INPP5A: variants seen among roughly 807,000 people sequenced by gnomAD.
The protein encoded by INPP5A is 43 kDa inositol polyphosphate 5-phophatase.
INPP5A carries 14 observed loss-of-function variants against 65.2 expected under a neutral mutation model. The ratio of observed to expected loss-of-function variants is 0.21; its 90% CI spans 0.14 to 0.34. The LOEUF is 0.34. INPP5A is among the 10% of genes least tolerant of loss of function. The pLI, the probability that INPP5A is intolerant of heterozygous loss-of-function variation, is 1.00. For synonymous variants in INPP5A, 207 were observed against 208.3 expected, an observed-to-expected ratio of 0.99 and a Z score of 0.05; for missense variants, 431 against 545.6, an observed-to-expected ratio of 0.79 and a Z score of 2.09.
chr10:132,604,571 G>A (rs1343355134), intron 1 of INPP5A, among the ~76,000 whole-genome samples: 2 of 152,236 alleles, frequency 1.3e-5, no homozygotes, highest in African/African-American at 4.8e-5. Flanking sequence ...GAGCTCAATA[G>A]TAGTTGAAAA....
chr10:132,592,851 C>A (rs184508381), intron 1 of INPP5A, among the ~76,000 whole-genome samples: 4 of 152,322 alleles, frequency 2.6e-5, no homozygotes, highest in Admixed American at 2.6e-4. Context: ...TTGTTTCATG[C>A]TTCTGTAGGG....
At chr10:132,596,760 T>C (rs556217125) in intron 1 of INPP5A, among the ~76,000 whole-genome samples, 1 of 152,186 alleles carries the variant, frequency 6.6e-6, no homozygotes, top group Admixed American at 6.5e-5. Context: ...TGTACGTGTG[T>C]ATGCATGCAT....
At chr10:132,725,796 T>G (rs1485430056) in intron 8 of INPP5A, among the ~76,000 whole-genome samples, 2 of 152,230 alleles carry the variant, frequency 1.3e-5, no homozygotes, top group Non-Finnish European at 2.9e-5. Context: ...ATGGGCAGCC[T>G]CTGTGCTGCC....
At position 132,644,578 on chromosome 10, in the gene INPP5A, G is replaced by A. The variant is rs573185329; in HGVS notation, c.118-1290G>A. ...CCTGGCTCACAGTGAGTGCCGTGTC[G>A]TCGTGAGCACCTCCAGGCTCCCAAG... On this transcript the variant is annotated intron_variant, in intron 2 of 15. Coordinates refer to ENST00000368594, the MANE Select transcript of INPP5A (RefSeq NM_005539.5). The surrounding 1 kb of genome is among the most constrained non-coding windows in gnomAD (Gnocchi z 6.5). Among the ~76,000 whole-genome samples, 29 of 152,344 alleles carry A rather than the reference G, an allele frequency of 1.9e-4. No individual in the cohort carries two copies. The highest frequency in any genetic ancestry group is 3.4e-4 in the Non-Finnish European group (23 of 68,046).
chr10:132,543,400 A>G (rs1056471231), intron 1 of INPP5A, among the ~76,000 whole-genome samples: 1 of 151,784 alleles, frequency 6.6e-6, no homozygotes, highest in Non-Finnish European at 1.5e-5. Context: ...TCAGTCCTGC[A>G]TTTCTTCCTT....
At chr10:132,710,181 C>T (rs577613572) in intron 7 of INPP5A, among the ~76,000 whole-genome samples, 156 bp from the exon 8 acceptor site, 4 of 152,382 alleles carry the variant, frequency 2.6e-5, no homozygotes, top group East Asian at 1.9e-4. Context: ...CTGGCCTTGT[C>T]GGAAGACAGG....
chr10:132,539,946 G>A (rs1038728075), intron 1 of INPP5A, among the ~76,000 whole-genome samples: 6 of 152,154 alleles, frequency 3.9e-5, no homozygotes, highest in African/African-American at 9.7e-5. Flanking sequence ...TGCTGGGGAG[G>A]AACTGGTTTT....
intron 1 of INPP5A, among the ~76,000 whole-genome samples, chr10:132,559,595 G>T (rs537580086): frequency 1.3e-5 from 2 of 152,010 alleles, no homozygotes; most frequent in Non-Finnish European, 2.9e-5. Flanking sequence ...TGTGGCCTTC[G>T]CATCGTACTT....
rs749157347 is a variant in INPP5A at position 132,587,193 on chromosome 10, A to T, written c.76-20722A>T. On this transcript the variant is annotated intron_variant, in intron 1 of 15. Coordinates refer to ENST00000368594, the MANE Select transcript of INPP5A (RefSeq NM_005539.5). This position sits in a 1 kb window ranked among gnomAD's most constrained non-coding sequence, Gnocchi z 4.3. ...AGTGTGAAAACAGTAGGCAATGAAC[A>T]GTGTCCACAGAACTCAGAGGGCGGA... 6.6e-6 allele frequency among the ~76,000 whole-genome samples: 1 copy of T among 152,236 alleles called. No individual in the cohort carries two copies. Among genetic ancestry groups the T allele is most frequent in the African/African-American group, 2.4e-5 (1 of 41,454 alleles).
At chr10:132,542,053 T>A (rs1469972150) in intron 1 of INPP5A, among the ~76,000 whole-genome samples, 1 of 152,272 alleles carries the variant, frequency 6.6e-6, no homozygotes, top group Non-Finnish European at 1.5e-5. Flanking sequence ...TCCTTCCATT[T>A]TTATGAGAAG....
intron 2 of INPP5A, among the ~76,000 whole-genome samples, chr10:132,639,380 A>G (rs2072398798): frequency 6.6e-6 from 1 of 151,758 alleles, no homozygotes; most frequent in Non-Finnish European, 1.5e-5. Flanking sequence ...GTTTCCTGAT[A>G]AGAAATCCGT....
intron 1 of INPP5A, among the ~76,000 whole-genome samples, chr10:132,554,356 G>T (rs1048743131): frequency 2.0e-5 from 3 of 152,152 alleles, no homozygotes; most frequent in Admixed American, 1.3e-4. Context: ...AGGGCACGCA[G>T]AGTCCACAGT....
chr10:132,716,074 T>C (rs577555688), intron 8 of INPP5A, among the ~76,000 whole-genome samples: 1 of 152,306 alleles, frequency 6.6e-6, no homozygotes, highest in Non-Finnish European at 1.5e-5. Context: ...GCTGCGATCT[T>C]CATTTTGTTG....
At chr10:132,632,473 G>A (rs2072288656) in intron 2 of INPP5A, among the ~76,000 whole-genome samples, 4 of 152,306 alleles carry the variant, frequency 2.6e-5, no homozygotes, top group Admixed American at 1.3e-4. Context: ...CACAGCGACC[G>A]TCTCAGGAAG....
At chr10:132,633,828 C>T (rs1336944006) in intron 2 of INPP5A, among the ~76,000 whole-genome samples, 2 of 152,174 alleles carry the variant, frequency 1.3e-5, no homozygotes, top group African/African-American at 2.4e-5. Context: ...ACAGTGAGCA[C>T]GTTCAGCAAA....
In INPP5A at chr10:132,538,555, G is replaced by A. The variant is rs1304053245; in HGVS notation, c.75+384G>A. On this transcript the variant is annotated intron_variant, in intron 1 of 15. Coordinates refer to ENST00000368594, the MANE Select transcript of INPP5A (RefSeq NM_005539.5). The surrounding 1 kb of genome is among the most constrained non-coding windows in gnomAD (Gnocchi z 4.1). ...TCCTGGAACCCAAACCCCAGAAACCGGGTCTGTGCGCACCAAACCCAGCCC... is the reference window on the plus strand; with the variant it reads ...TCCTGGAACCCAAACCCCAGAAACCAGGTCTGTGCGCACCAAACCCAGCCC... Among the ~76,000 whole-genome samples the A allele has an allele frequency of 6.6e-6, 1 of 152,024 alleles. No individual in the cohort carries two copies. The highest frequency in any genetic ancestry group is 1.5e-5 in the Non-Finnish European group (1 of 67,998).
rs1461451859 is a variant in INPP5A, at chr10:132,762,534, A to G, written c.904-3239A>G. On this transcript the variant is annotated intron_variant, in intron 11 of 15. Coordinates refer to ENST00000368594, the MANE Select transcript of INPP5A (RefSeq NM_005539.5). The surrounding 1 kb of genome is among the most constrained non-coding windows in gnomAD (Gnocchi z 4.6). Reference sequence around the variant, plus strand: ...GCCTTCAGAACACTGGCCACCATAAAGACAGTACCTGGCGATGGAGAGACA... The same window carrying G: ...GCCTTCAGAACACTGGCCACCATAAGGACAGTACCTGGCGATGGAGAGACA... Among the ~76,000 whole-genome samples, 1 of 152,164 alleles carries G rather than the reference A, an allele frequency of 6.6e-6. No homozygotes were observed. Among genetic ancestry groups the G allele is most frequent in the Non-Finnish European group, 1.5e-5 (1 of 68,036 alleles).
At chr10:132,652,210 T>TG (rs2072587396) in intron 4 of INPP5A, among the ~76,000 whole-genome samples, 2 of 152,120 alleles carry the variant, frequency 1.3e-5, no homozygotes, top group African/African-American at 4.8e-5. Flanking sequence ...AAAACACCAC[T>TG]GGGGGAGCAG....
chr10:132,632,321 G>A (rs1363847588), intron 2 of INPP5A, among the ~76,000 whole-genome samples: 2 of 152,206 alleles, frequency 1.3e-5, no homozygotes, highest in African/African-American at 4.8e-5. Context: ...CTGTCCTCCC[G>A]GATGCCAGGG....
Sources: allele counts gnomAD v4.1 joint callset (sites outside exome capture counted in the v4.1 genomes callset), GRCh38; gene constraint gnomAD v4.1.1; non-coding constraint Gnocchi (gnomAD v3.1); transcripts MANE v1.5; gene names NCBI Gene and HGNC (gene_info 2026-07-23, HGNC 2026-07-21).